Variants in LARGE1 observed in about 807,000 individuals in gnomAD.
The protein encoded by LARGE1 is LARGE xylosyl- and glucuronyltransferase 1, also known as xylosyl- and glucuronyltransferase LARGE1.
LARGE1 carries 43 observed loss-of-function variants against 87.6 expected under a neutral mutation model. The ratio of observed to expected loss-of-function variants is 0.49; its 90% CI spans 0.38 to 0.63. The LOEUF is 0.63. Ranked by LOEUF, LARGE1 falls within the 30% of genes least tolerant of loss-of-function variation. LARGE1 has a pLI of 0.00. For synonymous variants in LARGE1, 434 were observed against 394.6 expected, an observed-to-expected ratio of 1.10 and a Z score of -1.18; for missense variants, 802 against 1,000.2, an observed-to-expected ratio of 0.80 and a Z score of 2.67.
rs11912015 is a variant in LARGE1 at position 33,289,677 on chromosome 22, C to G, written c.1731-6329G>C. 8.8e-3 allele frequency among the ~76,000 whole-genome samples: 1,344 copies of G among 152,258 alleles called. 25 individuals are homozygous for G. The highest frequency in any genetic ancestry group is 0.031 in the African/African-American group (1,291 of 41,544). On this transcript the variant is annotated intron_variant, in intron 12 of 14. Transcript: ENST00000397394. The stretch of plus-strand genomic sequence containing the variant: ...TACAGAAACAGAACTTATGAGATCT[C>G]GGTCTCTAGCCAGCCCTCTGAGTCC...
At chr22:33,601,476 C>T (rs1017557044) in intron 5 of LARGE1, among the ~76,000 whole-genome samples, 2 of 152,088 alleles carry the variant, frequency 1.3e-5, no homozygotes, top group Non-Finnish European at 2.9e-5. Flanking sequence ...GTTGTTGATC[C>T]GGGTTATGTA....
intron 4 of LARGE1, among the ~76,000 whole-genome samples, chr22:33,609,793 C>T (rs1012062426): frequency 6.6e-6 from 1 of 151,970 alleles, no homozygotes; most frequent in African/African-American, 2.4e-5. Context: ...TCCCTCATGG[C>T]TTGGTGCTGT....
chr22:33,140,964 C>G, the LARGE1 span, among the ~76,000 whole-genome samples: 2 of 151,856 alleles, frequency 1.3e-5, no homozygotes, highest in Non-Finnish European at 2.9e-5. Context: ...TACTACATGC[C>G]CTTAGGACAA....
At position 33,385,693 on chromosome 22, in the gene LARGE1, A is replaced by G. The variant is rs972350844; in HGVS notation, c.893-1389T>C. On this transcript the variant is annotated intron_variant, in intron 7 of 14. Coordinates refer to ENST00000397394, the MANE Select transcript of LARGE1 (RefSeq NM_133642.5). ...CAGGTCAGTTAGAGCAAGCAGAAAA[A>G]GCCCTGAGCACGGAACACAAAAAGC... Among the ~76,000 whole-genome samples the G allele has an allele frequency of 3.6e-4, 53 of 148,138 alleles. 4 individuals carry two copies. Among genetic ancestry groups the G allele is most frequent in the African/African-American group, 1.3e-3 (53 of 40,838 alleles).
At chr22:33,091,558 TCAAA>T in the LARGE1 span, among the ~76,000 whole-genome samples, 7 of 52,326 alleles carry the variant, frequency 1.3e-4, no homozygotes, top group African/African-American at 3.5e-4. Flanking sequence ...AGACTCCATC[TCAAA>T]TAAATAAATA....
intron 7 of LARGE1, among the ~76,000 whole-genome samples, chr22:33,407,816 T>C (rs1048734107): frequency 2.6e-5 from 4 of 152,114 alleles, no homozygotes; most frequent in African/African-American, 9.7e-5. Flanking sequence ...CTGTTGCAAC[T>C]ACTTAATTTC....
At chr22:33,695,339 A>G (rs1459989431) in intron 2 of LARGE1, among the ~76,000 whole-genome samples, 3 of 152,088 alleles carry the variant, frequency 2.0e-5, no homozygotes, top group Non-Finnish European at 4.4e-5. Flanking sequence ...CCTGACCTCA[A>G]GTGATCCATC....
chr22:33,293,361 G>A (rs1932863271), intron 12 of LARGE1, among the ~76,000 whole-genome samples: 1 of 152,142 alleles, frequency 6.6e-6, no homozygotes, highest in African/African-American at 2.4e-5. Context: ...CATATTTTCA[G>A]TTTAATGATA....
chr22:33,099,506 C>T, the LARGE1 span, among the ~76,000 whole-genome samples: 1 of 152,174 alleles, frequency 6.6e-6, no homozygotes, highest in Admixed American at 6.6e-5. Flanking sequence ...CCTGCCTTGG[C>T]CTCCCAAAGT....
At chr22:33,324,508 C>T (rs562643690) in intron 10 of LARGE1, among the ~76,000 whole-genome samples, 10 of 152,256 alleles carry the variant, frequency 6.6e-5, no homozygotes, top group African/African-American at 1.9e-4. Flanking sequence ...CAGATTTCTC[C>T]TGAGATAAAA....
chr22:33,576,621 A>G (rs1045931450), intron 5 of LARGE1, among the ~76,000 whole-genome samples: 1 of 152,188 alleles, frequency 6.6e-6, no homozygotes, highest in Non-Finnish European at 1.5e-5. Flanking sequence ...ATATACAGAT[A>G]TCACCGCGAA....
In LARGE1 at chr22:33,650,480, A is replaced by C; in HGVS notation, c.295T>G (p.Ser99Ala). ...CCCTCCTCCATGGAGTAGGTCTTGGAGTGGTTGCCTCGGCGATGGGATGGG... is the reference window on the plus strand; with the variant it reads ...CCCTCCTCCATGGAGTAGGTCTTGGCGTGGTTGCCTCGGCGATGGGATGGG... ...RAPSHRRGNH[S>A]KTYSMEEGTG... The change falls in exon 3 of 15, where the codon TCC (serine) becomes GCC (alanine). Residue 99 changes from serine (S) to alanine (A), a missense_variant. Transcript: ENST00000397394. 1 of 1,613,744 alleles carries C rather than the reference A, an allele frequency of 6.2e-7. No homozygotes were observed. The highest frequency in any genetic ancestry group is 8.5e-7 in the Non-Finnish European group (1 of 1,179,990).
intron 11 of LARGE1, among the ~76,000 whole-genome samples, chr22:33,249,858 G>A (rs1926935803): frequency 6.6e-6 from 1 of 152,136 alleles, no homozygotes; most frequent in Non-Finnish European, 1.5e-5. Flanking sequence ...ATTTATGTGG[G>A]TTTATTTCTG....
At chr22:33,794,424 A>T (rs533472063) in intron 1 of LARGE1, among the ~76,000 whole-genome samples, 1 of 152,314 alleles carries the variant, frequency 6.6e-6, no homozygotes, top group African/African-American at 2.4e-5. Context: ...GCTCTCGAAG[A>T]GGAGCAAGAA....
At chr22:33,295,717 G>A (rs1024583776) in intron 12 of LARGE1, among the ~76,000 whole-genome samples, 1 of 152,330 alleles carries the variant, frequency 6.6e-6, no homozygotes. Flanking sequence ...CTGGCTTCCA[G>A]GAGCTTTGTG....
intron 2 of LARGE1, among the ~76,000 whole-genome samples, chr22:33,705,349 G>A (rs1338246101): frequency 6.6e-6 from 1 of 152,280 alleles, no homozygotes; most frequent in East Asian, 1.9e-4. Flanking sequence ...TAAAAGCATT[G>A]AGTTGAAGGG....
exon 12 of LARGE1, chr22:33,162,606 T>G (rs1922070109): frequency 6.6e-6 from 1 of 152,190 alleles, no homozygotes; most frequent in South Asian, 2.1e-4. Flanking sequence ...TCAACTTTGC[T>G]GGCAAGGAAG....
chr22:33,792,024 G>C (rs2085839351), intron 1 of LARGE1, among the ~76,000 whole-genome samples: 2 of 152,258 alleles, frequency 1.3e-5, no homozygotes, highest in South Asian at 4.2e-4. Flanking sequence ...TAGATGCCCA[G>C]AGAGCCTAAA....
At chr22:33,446,241 C>T (rs556466125) in intron 6 of LARGE1, among the ~76,000 whole-genome samples, 1 of 152,328 alleles carries the variant, frequency 6.6e-6, no homozygotes, top group South Asian at 2.1e-4. Flanking sequence ...GGGGGCTCCA[C>T]GCCCTGCCCC....
Sources: gnomAD v4.1 joint callset for allele counts (sites outside exome capture counted in the v4.1 genomes callset) on GRCh38, gnomAD v4.1.1 for gene constraint, MANE v1.5 for transcripts, NCBI Gene and HGNC (gene_info 2026-07-23, HGNC 2026-07-21) for gene names.